Variants in PACRGL observed in about 807,000 individuals in gnomAD.
The protein encoded by PACRGL is PACRG-like protein.
PACRGL carries 38 observed loss-of-function variants against 34.5 expected under a neutral mutation model. The observed-to-expected ratio is 1.10, with a 90% CI of 0.85 to 1.44. The LOEUF is 1.44. Among genes scored for constraint, PACRGL ranks in the 40% most tolerant of loss-of-function variants. The pLI, the probability that PACRGL is intolerant of heterozygous loss-of-function variation, is 0.00. For synonymous variants in PACRGL, 128 were observed against 100.1 expected, an observed-to-expected ratio of 1.28 and a Z score of -1.66; for missense variants, 305 against 281.4, an observed-to-expected ratio of 1.08 and a Z score of -0.60.
At chr4:20,760,326 A>G in the PACRGL span, among the ~76,000 whole-genome samples, 1 of 152,156 alleles carries the variant, frequency 6.6e-6, no homozygotes, top group Non-Finnish European at 1.5e-5. Context: ...TTAGACATGA[A>G]TATTCTGTGT....
At chr4:20,762,129 T>C in the PACRGL span, among the ~76,000 whole-genome samples, 1 of 152,170 alleles carries the variant, frequency 6.6e-6, no homozygotes, top group Non-Finnish European at 1.5e-5. Context: ...TCTAAGACCA[T>C]AGGATTAGCA....
chr4:20,699,089 TA>T (rs2149013589), upstream of PACRGL, among the ~76,000 whole-genome samples: 1 of 152,248 alleles, frequency 6.6e-6, no homozygotes, highest in Admixed American at 6.5e-5. Context: ...GAGGAGGGGT[TA>T]AAAGGTCACG....
At chr4:20,709,931 G>T (rs1364930488) in intron 5 of PACRGL, 158 bp downstream of exon 5, 1 of 573,422 alleles carries the variant, frequency 1.7e-6, no homozygotes, top group Non-Finnish European at 3.1e-6. Context: ...AATGAATTAT[G>T]ATTCTTATAT....
At chr4:20,747,123 G>A (rs573435977) in intron 8 of PACRGL, among the ~76,000 whole-genome samples, 8 of 152,092 alleles carry the variant, frequency 5.3e-5, no homozygotes, top group East Asian at 3.9e-4. Flanking sequence ...TATAATCAAC[G>A]TTCATTGCAA....
rs116715516 is a variant in PACRGL, at chr4:20,746,292, T to C, written c.*57-6273T>C. Among the ~76,000 whole-genome samples the C allele has an allele frequency of 3.9e-3, 598 of 152,088 alleles. 6 individuals carry two copies. The highest frequency in any genetic ancestry group is 0.013 in the African/African-American group (560 of 41,496). The stretch of plus-strand genomic sequence containing the variant: ...TGAGAACAGTAAACCAAACATTGCA[T>C]GTTCTCACTCATAGCTGGGAATTGA... On this transcript the variant is annotated intron_variant, in intron 8 of 8. Coordinates refer to the PACRGL transcript ENST00000507634.
chr4:20,749,628 T>C (rs1172746854), intron 8 of PACRGL: 5 of 1,442,232 alleles, frequency 3.5e-6, no homozygotes, highest in Admixed American at 1.7e-5. Context: ...AAACTCTAAA[T>C]AGTCAAATGA....
downstream of PACRGL, among the ~76,000 whole-genome samples, chr4:20,737,188 A>G (rs924612300): frequency 6.6e-6 from 1 of 152,224 alleles, no homozygotes; most frequent in Non-Finnish European, 1.5e-5. Context: ...GAATTCCAAT[A>G]TTTGGCAGGT....
At chr4:20,764,504 T>G in the PACRGL span, among the ~76,000 whole-genome samples, 16 of 152,100 alleles carry the variant, frequency 1.1e-4, no homozygotes, top group African/African-American at 3.6e-4. Flanking sequence ...GGTTTCTTCT[T>G]TATGACTAAT....
intron 8 of PACRGL, among the ~76,000 whole-genome samples, chr4:20,727,023 G>A (rs1357557866): frequency 6.6e-6 from 1 of 152,044 alleles, no homozygotes; most frequent in Non-Finnish European, 1.5e-5. Flanking sequence ...CAGGTTTGAC[G>A]AATAAGTGAC....
chr4:20,759,911 C>T, the PACRGL span, among the ~76,000 whole-genome samples: 4 of 152,140 alleles, frequency 2.6e-5, no homozygotes, highest in Non-Finnish European at 5.9e-5. Flanking sequence ...TCCAGGACCA[C>T]CGCGGATACC....
intron 8 of PACRGL, among the ~76,000 whole-genome samples, chr4:20,748,870 G>A (rs28516580): frequency 0.14 from 18,334 of 128,022 alleles, 1,389 homozygotes; most frequent in African/African-American, 0.23. Flanking sequence ...TATGAATTAC[G>A]TGTGTGTGTG....
intron 8 of PACRGL, among the ~76,000 whole-genome samples, chr4:20,741,289 C>T (rs1353266812): frequency 1.3e-5 from 2 of 152,034 alleles, no homozygotes; most frequent in Non-Finnish European, 2.9e-5. Flanking sequence ...CACTACGTCA[C>T]ACTTATTCCA....
In PACRGL at chr4:20,729,923, T is replaced by G. The variant is rs555576027; in HGVS notation, c.*2582T>G. ...AGGATGCAAATTTATAACTGAAAGC[T>G]CAAATCTTTTGGGGATTGCTTTATA... On this transcript the variant is annotated 3_prime_UTR_variant, in exon 9 of 9. Transcript: ENST00000503585. The G allele has an allele frequency of 2.3e-5, 18 of 774,188 alleles. No individual in the cohort carries two copies. The highest frequency in any genetic ancestry group is 3.4e-5 in the South Asian group (1 of 29,380). 48.0% of individuals were successfully genotyped at this position (774,188 alleles called of 1,614,324 possible).
intron 7 of PACRGL, chr4:20,716,017 G>T: frequency 7.9e-7 from 1 of 1,270,162 alleles, no homozygotes; most frequent in African/African-American, 1.5e-5. Flanking sequence ...GTTTTTCATT[G>T]CGATGTTTTA....
chr4:20,715,464 A>G (rs1476839532), intron 7 of PACRGL, among the ~76,000 whole-genome samples: 3 of 152,240 alleles, frequency 2.0e-5, no homozygotes, highest in East Asian at 3.9e-4. Flanking sequence ...AAATCTCATC[A>G]TCCTTAGCAA....
At chr4:20,705,891 A>G (rs780171703) in intron 3 of PACRGL, among the ~76,000 whole-genome samples, 6 of 147,996 alleles carry the variant, frequency 4.1e-5, no homozygotes, top group African/African-American at 1.0e-4. Context: ...TGGGAGAGGC[A>G]GTGGAGGCAT....
intron 4 of PACRGL, 98 bp from the exon 5 acceptor site, chr4:20,709,585 C>A: frequency 1.4e-6 from 1 of 732,076 alleles, no homozygotes; most frequent in Non-Finnish European, 2.2e-6. Context: ...CTACATGTTA[C>A]AAAATAAATC....
chr4:20,746,877 C>T (rs1191011227), intron 8 of PACRGL, among the ~76,000 whole-genome samples: 9 of 152,140 alleles, frequency 5.9e-5, no homozygotes, highest in African/African-American at 1.9e-4. Flanking sequence ...GGTCTCTCTA[C>T]TGTACCTCTC....
At chr4:20,734,256 T>C (rs1749058437), downstream of PACRGL, among the ~76,000 whole-genome samples, 1 of 152,178 alleles carries the variant, frequency 6.6e-6, no homozygotes, top group Non-Finnish European at 1.5e-5. Context: ...ATCCCCATGA[T>C]TGTAAAATTT....
Sources: allele counts gnomAD v4.1 joint callset (sites outside exome capture counted in the v4.1 genomes callset), GRCh38; gene constraint gnomAD v4.1.1; transcripts MANE v1.5; gene names NCBI Gene and HGNC (gene_info 2026-07-23, HGNC 2026-07-21).